ANKS1B: variants seen among roughly 807,000 people sequenced by gnomAD.
ANKS1B encodes ankyrin repeat and sterile alpha motif domain containing 1B, also known as ankyrin repeat and sterile alpha motif domain-containing protein 1B.
In ANKS1B, 36 loss-of-function variants were observed where a neutral mutation model predicts 148.3. The ratio of observed to expected loss-of-function variants is 0.24; its 90% CI spans 0.19 to 0.32. The LOEUF (loss-of-function observed/expected upper bound fraction) is 0.32, where lower values mean the gene tolerates loss of function less well. ANKS1B is among the 10% of genes least tolerant of loss of function. The pLI is 1.00. For missense variants in ANKS1B, 1,157 were observed against 1,542.6 expected (o/e 0.75, Z 4.19); for synonymous variants, 542 against 560.8 (o/e 0.97, Z 0.47).
chr12:98,985,018 A>G (rs1201396980), intron 17 of ANKS1B, among the ~76,000 whole-genome samples: 1 of 152,220 alleles, frequency 6.6e-6, no homozygotes, highest in African/African-American at 2.4e-5. Flanking sequence ...CAATCAATCA[A>G]TGAATAGATA....
At chr12:99,516,266 T>A (rs550197839) in intron 9 of ANKS1B, among the ~76,000 whole-genome samples, 16 of 152,278 alleles carry the variant, frequency 1.1e-4, no homozygotes, top group Non-Finnish European at 5.9e-5. Flanking sequence ...ACTTTTCTTA[T>A]GGCAGTTTCA....
intron 1 of ANKS1B, among the ~76,000 whole-genome samples, chr12:99,848,904 C>A (rs1413976035): frequency 6.6e-6 from 1 of 152,060 alleles, no homozygotes; most frequent in African/African-American, 2.4e-5. Context: ...AATTTGGATG[C>A]AGCTGGAAGC....
chr12:99,756,251 G>C (rs1251295446), intron 8 of ANKS1B, among the ~76,000 whole-genome samples: 2 of 152,058 alleles, frequency 1.3e-5, no homozygotes, highest in East Asian at 3.9e-4. Context: ...AAAGTCTCAA[G>C]ATACAAAACC....
intron 12 of ANKS1B, among the ~76,000 whole-genome samples, chr12:99,382,238 C>A (rs2093668874): frequency 6.6e-6 from 1 of 152,304 alleles, no homozygotes; most frequent in Admixed American, 6.5e-5. Context: ...GGAGATGAAT[C>A]AGGTGCCCAC....
intron 1 of ANKS1B, among the ~76,000 whole-genome samples, chr12:99,971,390 C>A (rs1469807997): frequency 1.3e-5 from 2 of 152,130 alleles, no homozygotes; most frequent in African/African-American, 4.8e-5. Flanking sequence ...CTGCTTCCCC[C>A]AAACACACTC....
At position 99,246,387 on chromosome 12, in the gene ANKS1B, T is replaced by C. The variant is rs1273787268; in HGVS notation, c.2234A>G (p.Tyr745Cys). ...VSKSDSDLIAYPSNEKTSRVN... is the reference protein window; with the variant it reads ...VSKSDSDLIACPSNEKTSRVN... ...TCTTGATGTTTTCTCATTGGAAGGATAGGCAATGAGATCAGAATCAGATTT... is the reference window on the plus strand; with the variant it reads ...TCTTGATGTTTTCTCATTGGAAGGACAGGCAATGAGATCAGAATCAGATTT... Residue 745 changes from tyrosine to cysteine, a missense_variant, in exon 13 of 27, where the codon TAT becomes TGT. Around this residue, in one of 6 missense-constraint regions of ANKS1B, gnomAD observed 661 missense variants for 642.1 expected, o/e 1.03. Transcript: ENST00000683438. 22 of 1,613,790 alleles carry C rather than the reference T, an allele frequency of 1.4e-5. No individual in the cohort carries two copies. The highest frequency in any genetic ancestry group is 1.8e-5 in the Non-Finnish European group (21 of 1,179,752).
intron 9 of ANKS1B, among the ~76,000 whole-genome samples, chr12:99,626,312 A>G (rs1300114048): frequency 6.6e-6 from 1 of 152,182 alleles, no homozygotes; most frequent in African/African-American, 2.4e-5. Flanking sequence ...CACCATTGCC[A>G]TGAAAAATGG....
At position 98,744,497 on chromosome 12, in the gene ANKS1B, G is replaced by T; in HGVS notation, c.*1242C>A. 1.7e-6 allele frequency: 1 copy of T among 592,972 alleles called. No homozygotes were observed. Among genetic ancestry groups the T allele is most frequent in the Non-Finnish European group, 2.1e-6 (1 of 472,048 alleles). 36.7% of individuals were successfully genotyped at this position (592,972 alleles called of 1,614,324 possible). A position where few individuals can be genotyped will look rare whatever the true frequency, so the allele number is the denominator to read the frequency against. Reference sequence around the variant, plus strand: ...TGTTATTTTTTTCTATAATGATATTGGTACTGTTTATATAATTTGATTCTA... The same window carrying T: ...TGTTATTTTTTTCTATAATGATATTTGTACTGTTTATATAATTTGATTCTA... On this transcript the variant is annotated 3_prime_UTR_variant, in exon 27 of 27. Transcript: ENST00000683438.
At chr12:99,276,419 C>A (rs924921577) in intron 12 of ANKS1B, among the ~76,000 whole-genome samples, 4 of 152,076 alleles carry the variant, frequency 2.6e-5, no homozygotes, top group Non-Finnish European at 4.4e-5. Flanking sequence ...GGCCCCAATT[C>A]AGTATTACTG....
At chr12:99,618,816 T>A (rs1000390959) in intron 9 of ANKS1B, among the ~76,000 whole-genome samples, 6 of 152,086 alleles carry the variant, frequency 3.9e-5, no homozygotes, top group African/African-American at 1.4e-4. Flanking sequence ...AGTCAAGCTT[T>A]TCTTTGTGAC....
intron 17 of ANKS1B, among the ~76,000 whole-genome samples, chr12:98,945,512 A>C (rs1464595): frequency 0.14 from 15,735 of 110,350 alleles, 896 homozygotes; most frequent in Non-Finnish European, 0.22. Context: ...AAACAAAAAA[A>C]AAAAAAAAAA....
chr12:98,740,179 G>A (rs949879564), downstream of ANKS1B, among the ~76,000 whole-genome samples: 1 of 152,102 alleles, frequency 6.6e-6, no homozygotes, highest in African/African-American at 2.4e-5. Context: ...TTCAACCCTG[G>A]CTACACTGAC....
intron 1 of ANKS1B, among the ~76,000 whole-genome samples, chr12:99,975,954 C>T (rs2095623257): frequency 1.3e-5 from 2 of 152,016 alleles, no homozygotes. Flanking sequence ...ATCTAGATGC[C>T]CATCAATGGT....
In ANKS1B at chr12:98,783,584, C is replaced by T. The variant is rs141895854; in HGVS notation, c.3343-1447G>A. ...CATTCATTCATTCAAAAGACAATGA[C>T]GGCCTATTAGGGGTGATTGAGCTGA... On this transcript the variant is annotated intron_variant, in intron 22 of 26. Transcript: ENST00000683438. Among the ~76,000 whole-genome samples, 38 of 152,230 alleles carry T rather than the reference C, an allele frequency of 2.5e-4. No homozygotes were observed. The East Asian group carries it at 3.3e-3, about 13-fold the overall frequency.
chr12:99,380,798 TTCC>T (rs2093612683), intron 12 of ANKS1B, among the ~76,000 whole-genome samples: 1 of 126,616 alleles, frequency 7.9e-6, no homozygotes. Flanking sequence ...CCTTCCTTCC[TTCC>T]TTTCTCATGC....
chr12:99,014,563 A>G (rs2099941305), intron 17 of ANKS1B, among the ~76,000 whole-genome samples: 1 of 152,246 alleles, frequency 6.6e-6, no homozygotes, highest in South Asian at 2.1e-4. Context: ...CAGCAAAAGA[A>G]ACTATCAACA....
At chr12:99,133,368 C>T (rs1418028531) in intron 15 of ANKS1B, among the ~76,000 whole-genome samples, 2 of 152,092 alleles carry the variant, frequency 1.3e-5, no homozygotes, top group South Asian at 2.1e-4. Flanking sequence ...CATGTGACTA[C>T]GTCCCTAAGT....
chr12:98,944,302 CAAAAAAAAA>C (rs11313441), intron 17 of ANKS1B, among the ~76,000 whole-genome samples: 1 of 88,046 alleles, frequency 1.1e-5, no homozygotes, highest in South Asian at 4.7e-4. Flanking sequence ...CTCCACCTCA[CAAAAAAAAA>C]AAAAAAAAAA....
chr12:98,972,755 T>C (rs1044645408), intron 17 of ANKS1B, among the ~76,000 whole-genome samples: 1 of 152,212 alleles, frequency 6.6e-6, no homozygotes, highest in African/African-American at 2.4e-5. Context: ...TTCTATATAA[T>C]AGGAAGACTG....
Sources: allele counts gnomAD v4.1 joint callset (sites outside exome capture counted in the v4.1 genomes callset), GRCh38; gene constraint gnomAD v4.1.1; regional missense constraint gnomAD v4.1.1; transcripts MANE v1.5; gene names NCBI Gene and HGNC (gene_info 2026-07-23, HGNC 2026-07-21).